Variants in YIF1A observed in about 807,000 individuals in gnomAD.
YIF1A encodes protein YIF1A.
YIF1A carries 28 observed loss-of-function variants against 32.6 expected under a neutral mutation model. The ratio of observed to expected loss-of-function variants is 0.86; its 90% CI spans 0.64 to 1.18. The LOEUF (loss-of-function observed/expected upper bound fraction) is 1.18, where lower values mean the gene tolerates loss of function less well. Among genes scored for constraint, YIF1A ranks in the 50% most tolerant of loss-of-function variants. The probability of loss-of-function intolerance (pLI) is 0.00; values close to 1 mark genes in which losing one functional copy is unlikely to be tolerated. For missense variants in YIF1A, 373 were observed against 390.8 expected (o/e 0.95, Z 0.38); for synonymous variants, 175 against 162.2 (o/e 1.08, Z -0.60).
At position 66,288,246 on chromosome 11, in the gene YIF1A, G is replaced by C. The variant is rs375220228; in HGVS notation, c.78C>G (p.Phe26Leu). 6.2e-7 allele frequency: 1 copy of C among 1,613,982 alleles called. No individual in the cohort carries two copies. The highest frequency in any genetic ancestry group is 8.5e-7 in the Non-Finnish European group (1 of 1,180,036). ...TGGAATAACCACCGCTTGTGTCATC[G>C]AAGAGGGGAGGGGGATCCGGGGCTG... The part of the protein sequence containing the change: ...ARAAPDPPPL[F>L]DDTSGGYSSQ... The change falls in exon 2 of 8, where the codon TTC becomes TTG. Residue 26 changes from phenylalanine to leucine, a missense_variant. Phe to Leu is a conservative substitution (Grantham distance 22). Coordinates refer to ENST00000376901, the MANE Select transcript of YIF1A (RefSeq NM_020470.3).
Position 66,288,254 on chromosome 11 carries a change from G to T in YIF1A, c.70C>A (p.Pro24Thr). Reference sequence around the variant, plus strand: ...CCACCGCTTGTGTCATCGAAGAGGGGAGGGGGATCCGGGGCTGCCCGGGCC... The same window carrying T: ...CCACCGCTTGTGTCATCGAAGAGGGTAGGGGGATCCGGGGCTGCCCGGGCC... ...HRARAAPDPP[P>T]LFDDTSGGYS... The change falls in exon 2 of 8, where the codon CCC becomes ACC. Residue 24 changes from proline (P) to threonine (T), a missense_variant. Physicochemically the swap from Pro to Thr is conservative, Grantham distance 38 (BLOSUM62 -1). Coordinates refer to ENST00000376901, the MANE Select transcript of YIF1A (RefSeq NM_020470.3). 6.2e-7 allele frequency: 1 copy of T among 1,614,144 alleles called. No homozygotes were observed. The highest frequency in any genetic ancestry group is 1.1e-5 in the South Asian group (1 of 91,090).
At chr11:66,288,665 A>G (rs1486504103) in intron 1 of YIF1A, among the ~76,000 whole-genome samples, 1 of 152,190 alleles carries the variant, frequency 6.6e-6, no homozygotes, top group Non-Finnish European at 1.5e-5. Flanking sequence ...ACAGCTGGCT[A>G]CCTGGAGGCC....
chr11:66,285,545 A>T lies in YIF1A; in HGVS notation c.486-9T>A. The T allele has an allele frequency of 1.2e-6, 2 of 1,612,874 alleles. No individual in the cohort carries two copies. Among genetic ancestry groups the T allele is most frequent in the Non-Finnish European group, 1.7e-6 (2 of 1,179,972 alleles). ...GCACCTCCGGGGAGAACCTGCGCCA[A>T]AGCAGGGGTGGCTCAGAGCCAGGCA... On this transcript the variant is annotated splice_polypyrimidine_tract_variant and intron_variant, in intron 5 of 7. Transcript: ENST00000376901.
At chr11:66,288,412 C>T in intron 1 of YIF1A, 120 bp from the exon 2 acceptor site, 1 of 1,197,712 alleles carries the variant, frequency 8.3e-7, no homozygotes, top group Non-Finnish European at 1.2e-6. Context: ...AGTGAGGGGA[C>T]CCCAAGCTGG....
rs1189273029 is a variant in YIF1A, at chr11:66,284,914, C to T, written c.694G>A (p.Val232Met). The T allele has an allele frequency of 1.9e-6, 3 of 1,613,160 alleles. No individual in the cohort carries two copies. The highest frequency in any genetic ancestry group is 2.7e-5 in the African/African-American group (2 of 74,872). ...GLLFGSDGYY[V>M]ALAWTSSALM... is the part of the protein sequence containing the mutation. ...GCCGATGAGGTCCAGGCCAGCGCCA[C>T]GTAGTAGCCATCGCTGCCGAACAGC... The change falls in exon 7 of 8, where the codon GTG becomes ATG. Residue 232 changes from valine (V) to methionine (M), a missense_variant. Coordinates refer to ENST00000376901, the MANE Select transcript of YIF1A (RefSeq NM_020470.3).
At chr11:66,288,351 C>T in intron 1 of YIF1A, 59 bp from the exon 2 acceptor site, 1 of 1,600,950 alleles carries the variant, frequency 6.2e-7, no homozygotes, top group Non-Finnish European at 8.5e-7. Flanking sequence ...GCCCAAACCA[C>T]CGCCCCTTCC....
At chr11:66,285,329 G>T in intron 6 of YIF1A, 52 bp downstream of exon 6, 1 of 1,588,122 alleles carries the variant, frequency 6.3e-7, no homozygotes, top group Non-Finnish European at 8.6e-7. Flanking sequence ...CGAGGCTACA[G>T]CTATGCAGGC....
chr11:66,287,667 C>T lies in YIF1A; in HGVS notation c.358G>A (p.Val120Met), dbSNP rs1857379269. 1 of 1,613,190 alleles carries T rather than the reference C, an allele frequency of 6.2e-7. No homozygotes were observed. Among genetic ancestry groups the T allele is most frequent in the South Asian group, 1.1e-5 (1 of 91,078 alleles). Residue 120 changes from valine to methionine, a missense_variant, in exon 4 of 8, where the codon GTG becomes ATG. Physicochemically the swap from Val to Met is conservative, Grantham distance 21. Coordinates refer to ENST00000376901, the MANE Select transcript of YIF1A (RefSeq NM_020470.3). ...VFPYTHQNWE[V>M]QYSRDAPLPP... ...AGAGGAGCATCACGACTGTACTGCA[C>T]TTCCCAGTTCTGGCAGTGGCAGTGG...
In YIF1A at chr11:66,284,580, T is replaced by C; in HGVS notation, c.*57A>G. The C allele has an allele frequency of 3.1e-6, 5 of 1,590,530 alleles. No homozygotes were observed. The highest frequency in any genetic ancestry group is 4.3e-6 in the Non-Finnish European group (5 of 1,163,324). On this transcript the variant is annotated 3_prime_UTR_variant, in exon 8 of 8. Coordinates refer to ENST00000376901, the MANE Select transcript of YIF1A (RefSeq NM_020470.3). ...CCCCAGGAACAAGGGTCAGACAAAG[T>C]CAAGGAAATCAAATCTTCAATGAAT... is the stretch of plus-strand genomic sequence containing the variant.
Position 66,287,888 on chromosome 11 carries a change from A to T in YIF1A, c.272T>A (p.Leu91His). Residue 91 changes from leucine (L) to histidine (H), a missense_variant, in exon 3 of 8, where the codon CTC (leucine) becomes CAC (histidine). Transcript: ENST00000376901. ...ELHRFVSVSK[L>H]KYFFAVDTAY... ...TGTGTCCACAGCAAAAAAATACTTG[A>T]GTTTGCTCACAGACACAAAACGGTG... 6.2e-7 allele frequency: 1 copy of T among 1,613,744 alleles called. No individual in the cohort carries two copies. Among genetic ancestry groups the T allele is most frequent in the Non-Finnish European group, 8.5e-7 (1 of 1,179,988 alleles).
In YIF1A at chr11:66,284,762, C is replaced by CCCA. The variant is rs1857325055; in HGVS notation, c.756_757insTGG (p.Ala252_Ala253insTrp). ...CCCCCCATGCTGTCGGGGCCCAGGG[C>CCCA]TGCTGTCCGCAAAGAGCGCACCTGG... On this transcript the variant is annotated inframe_insertion, in exon 8 of 8. Transcript: ENST00000376901. 6.2e-7 allele frequency: 1 copy of CCCA among 1,611,812 alleles called. No individual in the cohort carries two copies. The highest frequency in any genetic ancestry group is 8.5e-7 in the Non-Finnish European group (1 of 1,179,564).
In YIF1A at chr11:66,289,056, G is replaced by A; in HGVS notation, c.-71C>T. On this transcript the variant is annotated 5_prime_UTR_variant, in exon 1 of 8. An upstream open reading frame in the 5' UTR gains an earlier in-frame stop. Coordinates refer to ENST00000376901, the MANE Select transcript of YIF1A (RefSeq NM_020470.3). ...GGGTACGAATACTAATGAGGCAGCT[G>A]CTCCGCGCCCAGGGTACCGACCGAG... 1 of 1,514,514 alleles carries A rather than the reference G, an allele frequency of 6.6e-7. No homozygotes were observed. The allele number at this position is 1,514,514 out of a possible 1,614,324, so 93.8% of individuals were successfully genotyped here. A position where few individuals can be genotyped will look rare whatever the true frequency, so the allele number is the denominator to read the frequency against.
rs766174724 is a variant in YIF1A at position 66,284,891 on chromosome 11, C to T, written c.717G>A (p.Ser239=). The part of the protein sequence containing the change: ...GYYVALAWTS[S]ALMYFIVRSL... ...GACTCACAATGAAGTACATGAGCGC[C>T]GATGAGGTCCAGGCCAGCGCCACGT... The change falls in exon 7 of 8, where the codon TCG becomes TCA. Residue 239 remains serine (S), a synonymous_variant. Coordinates refer to ENST00000376901, the MANE Select transcript of YIF1A (RefSeq NM_020470.3). The T allele has an allele frequency of 9.9e-6, 16 of 1,613,122 alleles. No homozygotes were observed. Among genetic ancestry groups the T allele is most frequent in the Non-Finnish European group, 1.3e-5 (15 of 1,179,996 alleles).
At chr11:66,285,173 C>T in intron 6 of YIF1A, 1 of 916,098 alleles carries the variant, frequency 1.1e-6, no homozygotes, top group Non-Finnish European at 1.6e-6. Context: ...CCCTTCTCTC[C>T]CCAAGACTCG....
At chr11:66,288,479 G>A (rs1857399123) in intron 1 of YIF1A, among the ~76,000 whole-genome samples, 187 bp from the exon 2 acceptor site, 1 of 152,234 alleles carries the variant, frequency 6.6e-6, no homozygotes, top group Non-Finnish European at 1.5e-5. Context: ...CGAGAAATCC[G>A]TTGCTAAATG....
Position 66,289,042 on chromosome 11 carries a change from CTAA to C in YIF1A, c.-60_-58del. The stretch of plus-strand genomic sequence containing the variant: ...CTGCGCCGCCTCGTGGGTACGAATA[CTAA>C]TGAGGCAGCTGCTCCGCGCCCAGGG... On this transcript the variant is annotated 5_prime_UTR_variant, in exon 1 of 8. An upstream open reading frame in the 5' UTR loses its in-frame stop. Transcript: ENST00000376901. 6.5e-7 allele frequency: 1 copy of C among 1,546,238 alleles called. No homozygotes were observed. Among genetic ancestry groups the C allele is most frequent in the African/African-American group, 1.4e-5 (1 of 71,120 alleles).
intron 2 of YIF1A, 71 bp downstream of exon 2, chr11:66,288,010 C>T (rs578055962): frequency 1.9e-6 from 3 of 1,606,822 alleles, no homozygotes; most frequent in Non-Finnish European, 2.6e-6. Context: ...TGTGAGGAAT[C>T]GGGTGGAATC....
At position 66,284,884 on chromosome 11, in the gene YIF1A, T is replaced by C. The variant is rs1396191258; in HGVS notation, c.724A>G (p.Met242Val). Reference protein sequence around the residue: ...VALAWTSSALMYFIVRSLRTA... With the variant: ...VALAWTSSALVYFIVRSLRTA... Reference sequence around the variant, plus strand: ...TGCACCAGACTCACAATGAAGTACATGAGCGCCGATGAGGTCCAGGCCAGC... The same window carrying C: ...TGCACCAGACTCACAATGAAGTACACGAGCGCCGATGAGGTCCAGGCCAGC... The change falls in exon 7 of 8, where the codon ATG becomes GTG. Residue 242 changes from methionine to valine, a missense_variant. Transcript: ENST00000376901. 1.2e-6 allele frequency: 2 copies of C among 1,613,002 alleles called. No homozygotes were observed. The highest frequency in any genetic ancestry group is 8.5e-7 in the Non-Finnish European group (1 of 1,179,966).
intron 1 of YIF1A, among the ~76,000 whole-genome samples, chr11:66,288,632 C>A (rs1419585180): frequency 6.6e-6 from 1 of 152,186 alleles, no homozygotes; most frequent in African/African-American, 2.4e-5. Context: ...GGCATCCTTC[C>A]GTGAACAAAG....
Sources: allele counts gnomAD v4.1 joint callset (sites outside exome capture counted in the v4.1 genomes callset), GRCh38; gene constraint gnomAD v4.1.1; transcripts MANE v1.5; gene names NCBI Gene and HGNC (gene_info 2026-07-23, HGNC 2026-07-21).